Variants in SCN7A observed in about 807,000 individuals in gnomAD.
SCN7A encodes the protein sodium channel protein type 7 subunit alpha.
In SCN7A, 138 loss-of-function variants were observed where a neutral mutation model predicts 155.2. The observed-to-expected ratio is 0.89, with a 90% CI of 0.77 to 1.02. The LOEUF (loss-of-function observed/expected upper bound fraction) is 1.02, where lower values mean the gene tolerates loss of function less well. Ranked by LOEUF, SCN7A falls within the 50% of genes least tolerant of loss-of-function variation. The pLI, the probability that SCN7A is intolerant of heterozygous loss-of-function variation, is 0.00. For missense variants in SCN7A, 2,058 were observed against 1,986.6 expected (o/e 1.04, Z -0.68); for synonymous variants, 693 against 649.0 (o/e 1.07, Z -1.03).
chr2:166,415,570 C>G (rs1262933125), intron 21 of SCN7A, among the ~76,000 whole-genome samples: 1 of 151,964 alleles, frequency 6.6e-6, no homozygotes, highest in East Asian at 1.9e-4. Context: ...AAGTCAGGGA[C>G]CCTGAACAGA....
chr2:166,443,657 G>T lies in SCN7A; in HGVS notation c.1646C>A (p.Thr549Lys). Residue 549 changes from threonine to lysine, a missense_variant, in exon 14 of 26, where the codon ACA becomes AAA. Coordinates refer to ENST00000643258, the MANE Select transcript of SCN7A (RefSeq NM_002976.4). Reference sequence around the variant, plus strand: ...AATTATTTTAAAAATCATTTCTGCTGTGAAAATTCCAATGAAAACCTAAAT... The same window carrying T: ...AATTATTTTAAAAATCATTTCTGCTTTGAAAATTCCAATGAAAACCTAAAT... ...IGNLVFIGIF[T>K]AEMIFKIIAM... 1 of 1,542,836 alleles carries T rather than the reference G, an allele frequency of 6.5e-7. No individual in the cohort carries two copies. The highest frequency in any genetic ancestry group is 8.7e-7 in the Non-Finnish European group (1 of 1,144,216).
intron 15 of SCN7A, 73 bp from the exon 16 acceptor site, chr2:166,432,825 CA>C (rs1487880019): frequency 1.8e-6 from 2 of 1,099,808 alleles, no homozygotes; most frequent in Non-Finnish European, 2.5e-6. Flanking sequence ...AGTTTGTTTA[CA>C]AAACTGATGA....
intron 7 of SCN7A, among the ~76,000 whole-genome samples, chr2:166,468,381 A>C (rs1702582313): frequency 6.6e-6 from 1 of 152,102 alleles, no homozygotes; most frequent in African/African-American, 2.4e-5. Context: ...GCTGTTCATA[A>C]ATGTAGGTGG....
At chr2:166,407,065 TTC>T (rs1456927145) in intron 25 of SCN7A, among the ~76,000 whole-genome samples, 1 of 152,066 alleles carries the variant, frequency 6.6e-6, no homozygotes, top group Non-Finnish European at 1.5e-5. Context: ...ATGACATGAT[TTC>T]TGTCTTCAGG....
chr2:166,471,778 T>C lies in SCN7A; in HGVS notation c.572+539A>G, dbSNP rs867414953. Among the ~76,000 whole-genome samples, 172 of 151,678 alleles carry C rather than the reference T, an allele frequency of 1.1e-3. 1 individual carries two copies. Among genetic ancestry groups the C allele is most frequent in the African/African-American group, 4.0e-3 (166 of 41,432 alleles). On this transcript the variant is annotated intron_variant, in intron 6 of 25. Transcript: ENST00000643258. ...TTATTCTGATCTCTAGCATATTTAC[T>C]GGTCTTATGCAATGTAGCTACATGC...
chr2:166,486,567 A>G (rs1478165719), intron 2 of SCN7A, among the ~76,000 whole-genome samples: 1 of 152,222 alleles, frequency 6.6e-6, no homozygotes, highest in Non-Finnish European at 1.5e-5. Context: ...GATTTCGATC[A>G]TACAAGCTCT....
Position 166,432,599 on chromosome 2 carries a change from G to C in SCN7A, c.2311C>G (p.Gln771Glu). Residue 771 changes from glutamine to glutamate, a missense_variant, in exon 16 of 26, where the codon CAA becomes GAA. Coordinates refer to ENST00000643258, the MANE Select transcript of SCN7A (RefSeq NM_002976.4). ...YVLLKILCKT[Q>E]NVPKDTMDHV... ...TCCATTGTGTCCTTTGGGACATTTT[G>C]TGTTTTGCATAGTATTTTAAGAAGC... 6.2e-7 allele frequency: 1 copy of C among 1,612,982 alleles called. No individual in the cohort carries two copies. Among genetic ancestry groups the C allele is most frequent in the Non-Finnish European group, 8.5e-7 (1 of 1,179,490 alleles).
Position 166,427,771 on chromosome 2 carries a change from C to A in SCN7A, c.2853+17G>T. ...TTGTCCCCAGCAAAGTATCAAACAC[C>A]CTGGCTGCCCACTTACCAGAGTGCC... is the stretch of plus-strand genomic sequence containing the variant. On this transcript the variant is annotated intron_variant, in intron 18 of 25. Coordinates refer to ENST00000643258, the MANE Select transcript of SCN7A (RefSeq NM_002976.4). 1 of 1,596,110 alleles carries A rather than the reference C, an allele frequency of 6.3e-7. No homozygotes were observed. The highest frequency in any genetic ancestry group is 1.3e-5 in the African/African-American group (1 of 74,642).
intron 2 of SCN7A, among the ~76,000 whole-genome samples, chr2:166,478,835 C>G (rs1702858420): frequency 6.6e-6 from 1 of 151,956 alleles, no homozygotes; most frequent in Non-Finnish European, 1.5e-5. Flanking sequence ...ATCCTATAGG[C>G]AACTCAAAGT....
chr2:166,465,916 A>T lies in SCN7A; in HGVS notation c.736T>A (p.Phe246Ile), dbSNP rs1451078982. The T allele has an allele frequency of 6.2e-7, 1 of 1,613,792 alleles. No individual in the cohort carries two copies. The highest frequency in any genetic ancestry group is 8.5e-7 in the Non-Finnish European group (1 of 1,179,824). The stretch of plus-strand genomic sequence containing the variant: ...ATTAGAGAAAATATGCTCAGAAAAA[A>T]CAGAGTTAGGATAATGACACCAATA... ...QLIGVIILTLFFLSIFSLIGM... is the reference protein window; with the variant it reads ...QLIGVIILTLIFLSIFSLIGM... The change falls in exon 8 of 26, where the codon TTT (phenylalanine) becomes ATT (isoleucine). Residue 246 changes from phenylalanine to isoleucine, a missense_variant. Coordinates refer to ENST00000643258, the MANE Select transcript of SCN7A (RefSeq NM_002976.4).
intron 7 of SCN7A, among the ~76,000 whole-genome samples, 194 bp from the exon 8 acceptor site, chr2:166,466,181 T>C (rs564315173): frequency 6.6e-6 from 1 of 152,288 alleles, no homozygotes; most frequent in Admixed American, 6.5e-5. Flanking sequence ...ATTGCTAATT[T>C]TTAACACCTA....
At chr2:166,419,361 CTTTT>C (rs577713747) in intron 20 of SCN7A, among the ~76,000 whole-genome samples, 2 of 134,764 alleles carry the variant, frequency 1.5e-5, no homozygotes. Context: ...ATGTGGCTGT[CTTTT>C]TTTTTTTTTT....
At chr2:166,432,957 T>C (rs573551917) in intron 15 of SCN7A, among the ~76,000 whole-genome samples, 1 of 152,214 alleles carries the variant, frequency 6.6e-6, no homozygotes, top group African/African-American at 2.4e-5. Flanking sequence ...TAACTGTAAT[T>C]ATGTGTCCTT....
At chr2:166,423,555 A>T in intron 18 of SCN7A, 123 bp from the exon 19 acceptor site, 1 of 1,099,406 alleles carries the variant, frequency 9.1e-7, no homozygotes, top group African/African-American at 1.6e-5. Flanking sequence ...CAGAGATTGT[A>T]GGCTCCAGGG....
rs770191705 is a variant in SCN7A, at chr2:166,406,692, A to G, written c.3983-46T>C. 3.1e-6 allele frequency: 4 copies of G among 1,280,768 alleles called. No individual in the cohort carries two copies. In the South Asian group the frequency reaches 4.2e-5, roughly 14 times the overall value. 79.3% of individuals were successfully genotyped at this position (1,280,768 alleles called of 1,614,324 possible). A position where few individuals can be genotyped will look rare whatever the true frequency, so the allele number is the denominator to read the frequency against. On this transcript the variant is annotated intron_variant, in intron 25 of 25. Coordinates refer to ENST00000643258, the MANE Select transcript of SCN7A (RefSeq NM_002976.4). ...GCAGGCTATACATTATTCAAACACA[A>G]TAGTATTTTGAGGACTATAAATTAT...
At chr2:166,483,284 T>C (rs555526139) in intron 2 of SCN7A, among the ~76,000 whole-genome samples, 2 of 152,208 alleles carry the variant, frequency 1.3e-5, no homozygotes, top group African/African-American at 4.8e-5. Flanking sequence ...ATTATGATTA[T>C]GGCCATGCTT....
At chr2:166,480,800 T>C (rs1395325830) in intron 2 of SCN7A, among the ~76,000 whole-genome samples, 18 of 152,338 alleles carry the variant, frequency 1.2e-4, no homozygotes, top group Admixed American at 1.0e-3. Flanking sequence ...AAAAAATTCA[T>C]GGGCTTTGTG....
rs748502740 is a variant in SCN7A at position 166,441,406 on chromosome 2, C to T, written c.2147G>A (p.Gly716Glu). The T allele has an allele frequency of 1.3e-6, 2 of 1,584,460 alleles. No individual in the cohort carries two copies. The highest frequency in any genetic ancestry group is 2.3e-5 in the South Asian group (2 of 86,338). Residue 716 changes from glycine to glutamate, a missense_variant, in exon 15 of 26, where the codon GGA becomes GAA. Physicochemically the swap from Gly to Glu is moderately conservative, Grantham distance 98. Transcript: ENST00000643258. ...IPFYLMVILI[G>E]NLLVLYLFLA... is the part of the protein sequence containing the mutation. ...GAATTGACTACTTACCAGTAAATTT[C>T]CAATTAAAATGACCATCAGGTAAAA...
chr2:166,443,505 T>C lies in SCN7A; in HGVS notation c.1798A>G (p.Met600Val). 3 of 1,590,300 alleles carry C rather than the reference T, an allele frequency of 1.9e-6. No individual in the cohort carries two copies. The highest frequency in any genetic ancestry group is 2.6e-6 in the Non-Finnish European group (3 of 1,168,624). Residue 600 changes from methionine (M) to valine (V), a missense_variant and splice_region_variant, in exon 14 of 26, where the codon ATG (methionine) becomes GTG (valine). Transcript: ENST00000643258. ...GTTAGGTATTGGATTCTACTTACCA[T>C]CCTGAATAATCGAAGAAGAGCCATT... ...AGMALLRLFR[M>V]LRIFKLGKYW...
Sources: allele counts gnomAD v4.1 joint callset (sites outside exome capture counted in the v4.1 genomes callset), GRCh38; gene constraint gnomAD v4.1.1; transcripts MANE v1.5; gene names NCBI Gene and HGNC (gene_info 2026-07-23, HGNC 2026-07-21).